MACROD1: variants seen among roughly 807,000 people sequenced by gnomAD.
MACROD1 encodes the protein ADP-ribose glycohydrolase MACROD1.
A neutral mutation model predicts 41.4 loss-of-function variants in MACROD1; 31 were observed. That is an observed-to-expected ratio of 0.75 (90% confidence interval 0.56 to 1.01). The LOEUF is 1.01. MACROD1 is among the 50% of genes least tolerant of loss of function. MACROD1 has a pLI of 0.00. For missense variants in MACROD1, 473 were observed against 460.0 expected, an observed-to-expected ratio of 1.03 and a Z score of -0.26; for synonymous variants, 252 against 203.4, an observed-to-expected ratio of 1.24 and a Z score of -2.03.
intron 3 of MACROD1, among the ~76,000 whole-genome samples, chr11:64,019,042 G>A (rs116473046): frequency 6.6e-6 from 1 of 152,252 alleles, no homozygotes; most frequent in African/African-American, 2.4e-5. Flanking sequence ...GGGGACCCGA[G>A]CCTGGACCTG....
intron 3 of MACROD1, among the ~76,000 whole-genome samples, chr11:64,135,126 C>T (rs1454908737): frequency 6.6e-6 from 1 of 152,206 alleles, no homozygotes; most frequent in Non-Finnish European, 1.5e-5. Context: ...GAGAAGTCTA[C>T]ACTGCCAGTG....
chr11:64,036,893 G>C lies in MACROD1; in HGVS notation c.518-21612C>G, dbSNP rs1943392575. On this transcript the variant is annotated intron_variant, in intron 3 of 10. Transcript: ENST00000255681. The surrounding 1 kb of genome is among the most constrained non-coding windows in gnomAD (Gnocchi z 5.6). Reference sequence around the variant, plus strand: ...CCTCCTCGCGGGCACTGGAGACCCCGGGGAGGAAGGCTGGGGAGTGTTGTC... The same window carrying C: ...CCTCCTCGCGGGCACTGGAGACCCCCGGGAGGAAGGCTGGGGAGTGTTGTC... Among the ~76,000 whole-genome samples, 1 of 152,182 alleles carries C rather than the reference G, an allele frequency of 6.6e-6. No individual in the cohort carries two copies. Among genetic ancestry groups the C allele is most frequent in the African/African-American group, 2.4e-5 (1 of 41,450 alleles).
intron 3 of MACROD1, among the ~76,000 whole-genome samples, chr11:64,084,258 A>G (rs919195134): frequency 2.0e-5 from 3 of 152,074 alleles, no homozygotes; most frequent in Non-Finnish European, 2.9e-5. Flanking sequence ...CAAAGGTGAC[A>G]CGGCTATTTC....
At chr11:64,094,289 G>A (rs1174893960) in intron 3 of MACROD1, among the ~76,000 whole-genome samples, 6 of 152,072 alleles carry the variant, frequency 3.9e-5, no homozygotes, top group Non-Finnish European at 8.8e-5. Context: ...AAAGTTAGCC[G>A]GGCATGGTGA....
chr11:64,068,912 C>T (rs2134456385), intron 3 of MACROD1, among the ~76,000 whole-genome samples: 1 of 152,350 alleles, frequency 6.6e-6, no homozygotes, highest in Non-Finnish European at 1.5e-5. Context: ...AAATGGGCAT[C>T]CGTGTGAACC....
intron 3 of MACROD1, among the ~76,000 whole-genome samples, chr11:64,144,219 C>T (rs1206013910): frequency 2.6e-5 from 4 of 152,114 alleles, no homozygotes; most frequent in African/African-American, 4.8e-5. Flanking sequence ...TGACTTAGCA[C>T]CCCGTCCAAC....
chr11:64,048,568 G>T (rs1008479618), intron 3 of MACROD1, among the ~76,000 whole-genome samples: 1 of 152,166 alleles, frequency 6.6e-6, no homozygotes, highest in Non-Finnish European at 1.5e-5. Context: ...CAAGCAGGAT[G>T]GTTAATAACA....
At chr11:64,012,635 G>A (rs551546439) in intron 4 of MACROD1, among the ~76,000 whole-genome samples, 2 of 152,130 alleles carry the variant, frequency 1.3e-5, no homozygotes, top group South Asian at 2.1e-4. Context: ...TCCTGACCTC[G>A]TGATCTGCCC....
chr11:64,096,159 C>T lies in MACROD1; in HGVS notation c.517+55080G>A, dbSNP rs561006998. On this transcript the variant is annotated intron_variant, in intron 3 of 10. Coordinates refer to ENST00000255681, the MANE Select transcript of MACROD1 (RefSeq NM_014067.4). This position sits in a 1 kb window ranked among gnomAD's most constrained non-coding sequence, Gnocchi z 4.6. ...AGGCCAGGAGGGGACCAGGGCTGCC[C>T]GCCGGCTCCACCACCTGCCTTGGCC... Among the ~76,000 whole-genome samples, 26 of 152,386 alleles carry T rather than the reference C, an allele frequency of 1.7e-4. No homozygotes were observed. In the South Asian group the frequency reaches 5.0e-3, roughly 29 times the overall value.
At chr11:64,040,510 C>T (rs1373720097) in intron 3 of MACROD1, among the ~76,000 whole-genome samples, 3 of 152,298 alleles carry the variant, frequency 2.0e-5, no homozygotes, top group South Asian at 2.1e-4. Flanking sequence ...GGGTCTGCCT[C>T]AGGGACCCTC....
At chr11:64,109,905 A>G (rs1944829429) in intron 3 of MACROD1, among the ~76,000 whole-genome samples, 1 of 152,124 alleles carries the variant, frequency 6.6e-6, no homozygotes, top group Non-Finnish European at 1.5e-5. Context: ...AGAACGGGCC[A>G]CTGGAGCGCG....
chr11:64,088,441 G>A (rs1944433442), intron 3 of MACROD1, among the ~76,000 whole-genome samples: 1 of 152,214 alleles, frequency 6.6e-6, no homozygotes, highest in Non-Finnish European at 1.5e-5. Context: ...AGCCCTGCAG[G>A]TGCGGCTGTG....
intron 3 of MACROD1, among the ~76,000 whole-genome samples, chr11:64,071,823 G>A (rs80231682): frequency 0.054 from 8,219 of 152,182 alleles, 277 homozygotes; most frequent in South Asian, 0.14. Flanking sequence ...GGATCTTTAA[G>A]GGGCATCGAG....
intron 4 of MACROD1, chr11:64,001,326 G>A (rs79355361): frequency 0.019 from 12,475 of 654,162 alleles, 182 homozygotes; most frequent in Middle Eastern, 0.033. Flanking sequence ...GGAAAACGCC[G>A]CGTGCTGGCC....
chr11:64,016,420 C>A (rs1240249911), intron 3 of MACROD1, among the ~76,000 whole-genome samples: 1 of 152,258 alleles, frequency 6.6e-6, no homozygotes, highest in Non-Finnish European at 1.5e-5. Flanking sequence ...AGTCCTGGCT[C>A]CCAGACAGGG....
chr11:64,023,501 C>T (rs1397733107), intron 3 of MACROD1, among the ~76,000 whole-genome samples: 3 of 152,150 alleles, frequency 2.0e-5, no homozygotes, highest in Non-Finnish European at 2.9e-5. Flanking sequence ...TGGGTGGGGG[C>T]GGTTCCTGGG....
At chr11:64,136,849 C>T (rs1945339793) in intron 3 of MACROD1, among the ~76,000 whole-genome samples, 1 of 152,218 alleles carries the variant, frequency 6.6e-6, no homozygotes, top group Non-Finnish European at 1.5e-5. Flanking sequence ...CCCCTCCCTG[C>T]ACAGGGGCCT....
Position 64,036,848 on chromosome 11 carries a change from C to T in MACROD1, c.518-21567G>A, listed in dbSNP as rs1387469590. Among the ~76,000 whole-genome samples the T allele has an allele frequency of 1.3e-5, 2 of 152,112 alleles. No individual in the cohort carries two copies. The highest frequency in any genetic ancestry group is 2.9e-5 in the Non-Finnish European group (2 of 67,996). On this transcript the variant is annotated intron_variant, in intron 3 of 10. Coordinates refer to ENST00000255681, the MANE Select transcript of MACROD1 (RefSeq NM_014067.4). This position sits in a 1 kb window ranked among gnomAD's most constrained non-coding sequence, Gnocchi z 5.6. ...CCAGCTCTCAAGACAAGGAGGCGGCCCGACCCGGCGGCGCACGCCCCTCCT... is the reference window on the plus strand; with the variant it reads ...CCAGCTCTCAAGACAAGGAGGCGGCTCGACCCGGCGGCGCACGCCCCTCCT...
intron 4 of MACROD1, chr11:64,001,301 C>T (rs1034342232): frequency 4.1e-5 from 26 of 627,936 alleles, no homozygotes; most frequent in Non-Finnish European, 7.1e-5. Context: ...ACCGGGACAG[C>T]GACCCTCCCA....
Sources: allele counts gnomAD v4.1 joint callset (sites outside exome capture counted in the v4.1 genomes callset), GRCh38; gene constraint gnomAD v4.1.1; non-coding constraint Gnocchi (gnomAD v3.1); transcripts MANE v1.5; gene names NCBI Gene and HGNC (gene_info 2026-07-23, HGNC 2026-07-21).